The following ST18 variants were observed in gnomAD, a reference collection of about 807,000 sequenced individuals.
The protein encoded by ST18 is suppression of tumorigenicity 18 protein.
A neutral mutation model predicts 110.0 loss-of-function variants in ST18; 50 were observed. That is an observed-to-expected ratio of 0.45 (90% confidence interval 0.36 to 0.58). The LOEUF (loss-of-function observed/expected upper bound fraction) is 0.58. Ranked by LOEUF, ST18 falls within the 20% of genes least tolerant of loss-of-function variation. ST18 has a pLI of 0.00. For missense variants in ST18, 1,306 were observed against 1,280.1 expected, an observed-to-expected ratio of 1.02 and a Z score of -0.31; for synonymous variants, 461 against 452.4, an observed-to-expected ratio of 1.02 and a Z score of -0.24.
intron 2 of ST18, among the ~76,000 whole-genome samples, chr8:52,268,461 T>TATC (rs59861959): frequency 3.8e-4 from 54 of 142,900 alleles, no homozygotes; most frequent in African/African-American, 1.2e-3. Flanking sequence ...ATCGTCTATC[T>TATC]ATCTATCATC....
intron 2 of ST18, among the ~76,000 whole-genome samples, chr8:52,353,192 T>TTAA (rs910987223): frequency 4.6e-5 from 7 of 152,208 alleles, no homozygotes; most frequent in Admixed American, 4.6e-4. Context: ...GGGAGAATTC[T>TTAA]TAATAATAAT....
chr8:52,137,225 C>A (rs2052802369), intron 18 of ST18, among the ~76,000 whole-genome samples, 196 bp downstream of exon 18: 1 of 152,150 alleles, frequency 6.6e-6, no homozygotes, highest in Admixed American at 6.5e-5. Context: ...ACCTGGACTA[C>A]AGGATCAGAA....
At chr8:52,302,631 C>T (rs117770086) in intron 2 of ST18, among the ~76,000 whole-genome samples, 2 of 152,212 alleles carry the variant, frequency 1.3e-5, no homozygotes, top group Admixed American at 1.3e-4. Context: ...CAAAGTGGAC[C>T]TGAACATTTT....
chr8:52,298,003 C>A (rs1264724722), intron 2 of ST18, among the ~76,000 whole-genome samples: 3 of 152,234 alleles, frequency 2.0e-5, no homozygotes, highest in African/African-American at 7.2e-5. Flanking sequence ...TAACCTCATT[C>A]TTGCACCCTT....
intron 2 of ST18, among the ~76,000 whole-genome samples, chr8:52,340,877 A>G (rs543323406): frequency 6.6e-6 from 1 of 152,216 alleles, no homozygotes; most frequent in African/African-American, 2.4e-5. Flanking sequence ...CTTAGCAACA[A>G]TGAGAAGGGC....
At chr8:52,395,491 G>A (rs1381010942) in intron 2 of ST18, among the ~76,000 whole-genome samples, 3 of 152,168 alleles carry the variant, frequency 2.0e-5, no homozygotes, top group Non-Finnish European at 4.4e-5. Flanking sequence ...CTAGGTAAGA[G>A]CCCAGGAATC....
chr8:52,334,853 C>A (rs1437604637), intron 2 of ST18, among the ~76,000 whole-genome samples: 1 of 152,202 alleles, frequency 6.6e-6, no homozygotes, highest in Non-Finnish European at 1.5e-5. Context: ...AACCCTTCAC[C>A]AACTGCCCAT....
At chr8:52,329,827 C>T (rs1209043473) in intron 2 of ST18, among the ~76,000 whole-genome samples, 1 of 152,108 alleles carries the variant, frequency 6.6e-6, no homozygotes, top group Non-Finnish European at 1.5e-5. Flanking sequence ...AACCCAATTT[C>T]TATTAGTGCT....
intron 9 of ST18, among the ~76,000 whole-genome samples, chr8:52,175,454 C>T (rs1405784098): frequency 1.3e-5 from 2 of 152,230 alleles, no homozygotes. Flanking sequence ...AGTGAGTGCA[C>T]GATATGCGAT....
intron 8 of ST18, among the ~76,000 whole-genome samples, chr8:52,210,641 G>C (rs905948208): frequency 2.0e-5 from 3 of 152,036 alleles, no homozygotes; most frequent in Non-Finnish European, 4.4e-5. Context: ...CTGGGAGACA[G>C]AGTGAGACCC....
At chr8:52,391,951 G>GA (rs936698731) in intron 2 of ST18, among the ~76,000 whole-genome samples, 2 of 152,188 alleles carry the variant, frequency 1.3e-5, no homozygotes, top group Non-Finnish European at 2.9e-5. Context: ...CAAAGGTCTG[G>GA]AGTTTGGAGG....
At chr8:52,205,177 A>G (rs537590403) in intron 8 of ST18, among the ~76,000 whole-genome samples, 2 of 149,846 alleles carry the variant, frequency 1.3e-5, no homozygotes, top group Non-Finnish European at 3.0e-5. Flanking sequence ...TGTACTATGT[A>G]ATTTATATAA....
intron 2 of ST18, among the ~76,000 whole-genome samples, chr8:52,277,116 A>T (rs944304918): frequency 6.6e-6 from 1 of 152,254 alleles, no homozygotes; most frequent in African/African-American, 2.4e-5. Flanking sequence ...CTCTTAGGTC[A>T]GAGACTGCCT....
At position 52,219,728 on chromosome 8, in the gene ST18, C is replaced by T. The variant is rs192789523; in HGVS notation, c.-157+1013G>A. Among the ~76,000 whole-genome samples, 55 of 152,044 alleles carry T rather than the reference C, an allele frequency of 3.6e-4. No homozygotes were observed. In the Middle Eastern group the frequency reaches 0.014, roughly 38 times the overall value. On this transcript the variant is annotated intron_variant, in intron 5 of 25. Coordinates refer to ENST00000689386, the MANE Select transcript of ST18 (RefSeq NM_001352837.2). ...AGGGCCATGTGTAGGCACATTCCCCCCAGAAGAGATGATTTTCAAAGGAAA... is the reference window on the plus strand; with the variant it reads ...AGGGCCATGTGTAGGCACATTCCCCTCAGAAGAGATGATTTTCAAAGGAAA...
At position 52,221,760 on chromosome 8, in the gene ST18, A is replaced by ATATC. The variant is rs1267965567; in HGVS notation, c.-386_-385insGATA. On this transcript the variant is annotated 5_prime_UTR_variant, in exon 4 of 26. Transcript: ENST00000689386. ...TAGGATTTGACCAGACATTAAATAG[A>ATATC]TGCTTCTTCAACTTAAGTCAGCAAC... 6.6e-6 allele frequency: 1 copy of ATATC among 152,204 alleles called. No individual in the cohort carries two copies. Among genetic ancestry groups the ATATC allele is most frequent in the Non-Finnish European group, 1.5e-5 (1 of 68,032 alleles). 9.4% of individuals were successfully genotyped at this position (152,204 alleles called of 1,614,324 possible).
At chr8:52,156,312 T>C (rs567920392) in intron 15 of ST18, among the ~76,000 whole-genome samples, 181 of 152,348 alleles carry the variant, frequency 1.2e-3, no homozygotes, top group Non-Finnish European at 1.9e-3. Flanking sequence ...ATACCAAAAG[T>C]GCTCAGCTGT....
chr8:52,221,095 CTAT>C (rs1249175072), intron 4 of ST18, among the ~76,000 whole-genome samples: 4 of 143,898 alleles, frequency 2.8e-5, no homozygotes, highest in African/African-American at 1.1e-4. Context: ...CTCTATCTAT[CTAT>C]CTATCTATCT....
intron 2 of ST18, among the ~76,000 whole-genome samples, chr8:52,317,083 A>G (rs2096043872): frequency 6.6e-6 from 1 of 151,884 alleles, no homozygotes; most frequent in African/African-American, 2.4e-5. Flanking sequence ...TAGTATTTTG[A>G]TTTTTTTTCA....
Position 52,384,945 on chromosome 8 carries a change from G to A in ST18, c.-465+24383C>T, listed in dbSNP as rs140867167. On this transcript the variant is annotated intron_variant, in intron 2 of 25. Coordinates refer to ENST00000689386, the MANE Select transcript of ST18 (RefSeq NM_001352837.2). ...ACTGTTGGAGGATATGAAAGAAATCGGCAGCACTTACAGTCAGTTAATTCA... is the reference window on the plus strand; with the variant it reads ...ACTGTTGGAGGATATGAAAGAAATCAGCAGCACTTACAGTCAGTTAATTCA... 6.6e-5 allele frequency among the ~76,000 whole-genome samples: 10 copies of A among 152,138 alleles called. No homozygotes were observed. The East Asian group carries it at 1.9e-3, about 29-fold the overall frequency.
Sources: allele counts gnomAD v4.1 joint callset (sites outside exome capture counted in the v4.1 genomes callset), GRCh38; gene constraint gnomAD v4.1.1; transcripts MANE v1.5; gene names NCBI Gene and HGNC (gene_info 2026-07-23, HGNC 2026-07-21).